INTS11: variants seen among roughly 807,000 people sequenced by gnomAD.
INTS11 encodes CPSF3-like protein.
Under a neutral mutation model 78.6 loss-of-function variants are expected in INTS11, and 77 were observed. That is an observed-to-expected ratio of 0.98 (90% CI 0.81 to 1.18). INTS11 has a LOEUF of 1.18. Ranked by LOEUF, INTS11 falls within the 50% of genes most tolerant of loss-of-function variation. INTS11 has a pLI of 0.00. For synonymous variants in INTS11, 441 were observed against 326.9 expected (o/e 1.35, Z -3.77); for missense variants, 875 against 825.9 (o/e 1.06, Z -0.73).
intron 3 of INTS11, 134 bp from the exon 4 acceptor site, chr1:1,319,658 T>A: frequency 1.6e-6 from 1 of 621,968 alleles, no homozygotes; most frequent in Non-Finnish European, 2.8e-6. Flanking sequence ...GAAGAGTCAG[T>A]AATGAGCAAA....
chr1:1,311,751 G>C lies in INTS11; in HGVS notation c.*108C>G. ...ACACAAGGCCTCTGTCCCCAGGGATGGGACCTGCAGGGTCTGTTCACCCAG... is the reference window on the plus strand; with the variant it reads ...ACACAAGGCCTCTGTCCCCAGGGATCGGACCTGCAGGGTCTGTTCACCCAG... On this transcript the variant is annotated 3_prime_UTR_variant, in exon 17 of 17. Coordinates refer to ENST00000435064, the MANE Select transcript of INTS11 (RefSeq NM_017871.6). 8.8e-7 allele frequency: 1 copy of C among 1,141,188 alleles called. No homozygotes were observed. Among genetic ancestry groups the C allele is most frequent in the Non-Finnish European group, 1.3e-6 (1 of 789,004 alleles). 70.7% of individuals were successfully genotyped at this position (1,141,188 alleles called of 1,614,324 possible). A position where few individuals can be genotyped will look rare whatever the true frequency, so the allele number is the denominator to read the frequency against.
At position 1,311,891 on chromosome 1, in the gene INTS11, G is replaced by A. The variant is rs771027193; in HGVS notation, c.1771C>T (p.Leu591=). ...EELGSFLTSL[L]KKGLPQAPS Reference sequence around the variant, plus strand: ...GGGGCCTGGGGGAGGCCCTTCTTCAGCAGAGATGTGAGGAAGCTCCCCAGC... The same window carrying A: ...GGGGCCTGGGGGAGGCCCTTCTTCAACAGAGATGTGAGGAAGCTCCCCAGC... The change falls in exon 17 of 17, where the codon CTG becomes TTG. Residue 591 remains leucine, a synonymous_variant. Transcript: ENST00000435064. 1.9e-6 allele frequency: 3 copies of A among 1,570,810 alleles called. No homozygotes were observed. Among genetic ancestry groups the A allele is most frequent in the Non-Finnish European group, 2.6e-6 (3 of 1,158,050 alleles).
chr1:1,320,597 C>CCTCCCTGGGG, intron 2 of INTS11, 68 bp from the exon 3 acceptor site: 1 of 1,530,386 alleles, frequency 6.5e-7, no homozygotes, highest in Non-Finnish European at 9.1e-7. Flanking sequence ...CACCCATGCC[C>CCTCCCTGGGG]CAGGGAGGGG....
intron 4 of INTS11, chr1:1,316,607 A>T (rs1642624510): frequency 1.3e-5 from 2 of 151,828 alleles, no homozygotes. Context: ...GCAAAAAACT[A>T]GACTTCTTTT....
In INTS11 at chr1:1,313,115, G is replaced by A. The variant is rs1434316169; in HGVS notation, c.1051C>T (p.Pro351Ser). ...AGNEKNMVIM[P>S]GYCVQGTVGH... ...ACGGTGCCCTGCACGCAGTAGCCGG[G>A]CATGATGACCTGGGGGCAGGCACAG... Residue 351 changes from proline (P) to serine (S), a missense_variant, in exon 11 of 17, where the codon CCC becomes TCC. Pro to Ser is a moderately conservative substitution (Grantham distance 74). Coordinates refer to ENST00000435064, the MANE Select transcript of INTS11 (RefSeq NM_017871.6). 1 of 1,607,088 alleles carries A rather than the reference G, an allele frequency of 6.2e-7. No individual in the cohort carries two copies. Among genetic ancestry groups the A allele is most frequent in the Non-Finnish European group, 8.5e-7 (1 of 1,179,544 alleles).
Position 1,324,588 on chromosome 1 carries a change from C to A in INTS11, c.21G>T (p.Thr7=), listed in dbSNP as rs970658234. The change falls in exon 1 of 17, where the codon ACG becomes ACT. Residue 7 remains threonine (T), a synonymous_variant. Transcript: ENST00000435064. MPEIRV[T]PLGAGQDVGR... is the part of the protein sequence containing the mutation. ...CCGGCGGCTCCCACTCACCCAAGGG[C>A]GTGACTCTGATCTCAGGCATCGTCT... is the stretch of plus-strand genomic sequence containing the variant. 1 of 1,595,784 alleles carries A rather than the reference C, an allele frequency of 6.3e-7. No individual in the cohort carries two copies. The highest frequency in any genetic ancestry group is 1.7e-4 in the Middle Eastern group (1 of 6,004).
chr1:1,312,878 C>CAGCT lies in INTS11; in HGVS notation c.1199_1202dup (p.Val402AlafsTer72), dbSNP rs1377716033. Reference sequence around the variant, plus strand: ...CGCTCTCCGGCTCTGCCTGGCCCACCAGCTGCATGATGCCCTTGGCGTCCG... The same window carrying CAGCT: ...CGCTCTCCGGCTCTGCCTGGCCCACCAGCTAGCTGCATGATGCCCTTGGCGTCCG... On this transcript the variant is annotated frameshift_variant, in exon 12 of 17. Coordinates refer to ENST00000435064, the MANE Select transcript of INTS11 (RefSeq NM_017871.6). LOFTEE classifies it high-confidence loss of function. 1 of 1,612,436 alleles carries CAGCT rather than the reference C, an allele frequency of 6.2e-7. No individual in the cohort carries two copies. Among genetic ancestry groups the CAGCT allele is most frequent in the Non-Finnish European group, 8.5e-7 (1 of 1,179,914 alleles).
intron 3 of INTS11, chr1:1,319,942 C>T (rs1393246812): frequency 4.8e-6 from 1 of 209,816 alleles, no homozygotes; most frequent in Non-Finnish European, 9.6e-6. Context: ...GAAACCACAA[C>T]CACGAGGGGC....
Position 1,311,602 on chromosome 1 carries a change from T to C in INTS11, c.*257A>G. ...ACCAAGAAGAGAGTACCAAGTAGTC[T>C]TTTGTTCAGCTTTTACTGGAAACTG... On this transcript the variant is annotated 3_prime_UTR_variant, in exon 17 of 17. Transcript: ENST00000435064. The C allele has an allele frequency of 1.4e-6, 1 of 717,404 alleles. No individual in the cohort carries two copies. 44.4% of individuals were successfully genotyped at this position (717,404 alleles called of 1,614,324 possible). A position where few individuals can be genotyped will look rare whatever the true frequency, so the allele number is the denominator to read the frequency against.
At chr1:1,323,708 G>A (rs934131704) in intron 1 of INTS11, among the ~76,000 whole-genome samples, 2 of 151,058 alleles carry the variant, frequency 1.3e-5, no homozygotes, top group African/African-American at 4.9e-5. Context: ...ACAGTGCCCA[G>A]ACTGTCAGGA....
intron 10 of INTS11, 26 bp from the exon 11 acceptor site, chr1:1,313,150 C>A: frequency 6.3e-7 from 1 of 1,591,244 alleles, no homozygotes; most frequent in African/African-American, 1.3e-5. Context: ...GAGCTCACAG[C>A]CAGGGAACTC....
intron 9 of INTS11, 49 bp downstream of exon 9, chr1:1,313,681 CAG>C: frequency 1.2e-6 from 2 of 1,610,274 alleles, no homozygotes; most frequent in Non-Finnish European, 1.7e-6. Flanking sequence ...CTGCGGAAGA[CAG>C]GAGACCGACG....
chr1:1,315,485 G>T (rs971561291), intron 5 of INTS11, 35 bp downstream of exon 5: 10 of 1,612,588 alleles, frequency 6.2e-6, no homozygotes, highest in Non-Finnish European at 7.6e-6. Flanking sequence ...TCCCACCCCA[G>T]CAGCCCCTCC....
At chr1:1,324,330 G>A (rs1423683584) in intron 1 of INTS11, among the ~76,000 whole-genome samples, 2 of 152,122 alleles carry the variant, frequency 1.3e-5, no homozygotes, top group African/African-American at 4.8e-5. Flanking sequence ...AAGGCCCCGC[G>A]GCCCCATCTG....
In INTS11 at chr1:1,314,712, A is replaced by T; in HGVS notation, c.702+112T>A. On this transcript the variant is annotated intron_variant, in intron 7 of 16. Transcript: ENST00000435064. This position sits in a 1 kb window ranked among gnomAD's most constrained non-coding sequence, Gnocchi z 4.2. ...AATCTTCTTCCCTCCCTGCCTGAAA[A>T]TGCAGTACCCCCCACCCTGAGACCC... is the stretch of plus-strand genomic sequence containing the variant. 2.4e-6 allele frequency: 3 copies of T among 1,274,670 alleles called. No homozygotes were observed. Among genetic ancestry groups the T allele is most frequent in the Non-Finnish European group, 3.3e-6 (3 of 913,398 alleles). The allele number at this position is 1,274,670 out of a possible 1,614,324, so 79.0% of individuals were successfully genotyped here.
Position 1,314,944 on chromosome 1 carries a change from C to T in INTS11, c.582G>A (p.Lys194=). 1 of 1,612,746 alleles carries T rather than the reference C, an allele frequency of 6.2e-7. No individual in the cohort carries two copies. The highest frequency in any genetic ancestry group is 8.5e-7 in the Non-Finnish European group (1 of 1,179,704). ...DRHLGAAWID[K]CRPNLLITES... ...CTGTGATGAGCAGGTTGGGGCGGCA[C>T]TTGTCAATCCAGGCAGCTCTGGAAC... The change falls in exon 7 of 17, where the codon AAG becomes AAA. Residue 194 remains lysine, a synonymous_variant. Coordinates refer to ENST00000435064, the MANE Select transcript of INTS11 (RefSeq NM_017871.6). This position sits in a 1 kb window ranked among gnomAD's most constrained non-coding sequence, Gnocchi z 4.2.
intron 1 of INTS11, 31 bp downstream of exon 1, chr1:1,324,550 C>A (rs760648469): frequency 1.3e-6 from 2 of 1,587,852 alleles, no homozygotes; most frequent in Non-Finnish European, 8.6e-7. Flanking sequence ...ACGGAGCCCA[C>A]CCCACAGCCC....
Position 1,319,466 on chromosome 1 carries a change from C to T in INTS11, c.259G>A (p.Asp87Asn), listed in dbSNP as rs1304146944. Residue 87 changes from aspartate (D) to asparagine (N), a missense_variant, in exon 4 of 17, where the codon GAC becomes AAC. Transcript: ENST00000435064. ...LPYFSEMVGYDGPIYMTHPTQ... is the reference protein window; with the variant it reads ...LPYFSEMVGYNGPIYMTHPTQ... ...GGGTGAGTCATGTAGATGGGCCCGTCGTAGCCCACCATCTCGCTGAAGTAG... is the reference window on the plus strand; with the variant it reads ...GGGTGAGTCATGTAGATGGGCCCGTTGTAGCCCACCATCTCGCTGAAGTAG... 3.1e-6 allele frequency: 5 copies of T among 1,609,014 alleles called. No individual in the cohort carries two copies. Among genetic ancestry groups the T allele is most frequent in the African/African-American group, 1.3e-5 (1 of 75,006 alleles).
intron 1 of INTS11, chr1:1,322,747 G>T: frequency 3.1e-6 from 1 of 321,836 alleles, no homozygotes; most frequent in Non-Finnish European, 4.4e-6. Context: ...TAGGGGGACC[G>T]GCGGCGGGGG....
Sources: gnomAD v4.1 joint callset for allele counts (sites outside exome capture counted in the v4.1 genomes callset) on GRCh38, gnomAD v4.1.1 for gene constraint, Gnocchi (gnomAD v3.1) non-coding constraint, MANE v1.5 for transcripts, NCBI Gene and HGNC (gene_info 2026-07-23, HGNC 2026-07-21) for gene names.